DZIP3: variants seen among roughly 807,000 people sequenced by gnomAD.
DZIP3 encodes E3 ubiquitin-protein ligase DZIP3.
In DZIP3, 118 loss-of-function variants were observed where a neutral mutation model predicts 162.0. The observed-to-expected ratio is 0.73, with a 90% confidence interval of 0.63 to 0.85. The LOEUF (loss-of-function observed/expected upper bound fraction) is 0.85. Ranked by LOEUF, DZIP3 falls within the 40% of genes least tolerant of loss-of-function variation. The pLI, the probability that DZIP3 is intolerant of heterozygous loss-of-function variation, is 0.00. For missense variants in DZIP3, 1,331 were observed against 1,407.0 expected (o/e 0.95, Z 0.86); for synonymous variants, 438 against 458.6 (o/e 0.96, Z 0.57).
intron 12 of DZIP3, 85 bp downstream of exon 12, chr3:108,637,633 C>G: frequency 9.8e-7 from 1 of 1,019,454 alleles, no homozygotes; most frequent in Admixed American, 2.5e-5. Flanking sequence ...GTTTCTGTCA[C>G]CTAATAGAGC....
chr3:108,605,590 A>T (rs1016812072), intron 2 of DZIP3, 152 bp downstream of exon 2: 3 of 713,812 alleles, frequency 4.2e-6, no homozygotes, highest in African/African-American at 1.8e-5. Flanking sequence ...GGAGTGGGCA[A>T]CTTAGATCCT....
intron 1 of DZIP3, among the ~76,000 whole-genome samples, chr3:108,601,826 C>T (rs560039979): frequency 2.0e-5 from 3 of 152,264 alleles, no homozygotes; most frequent in African/African-American, 7.2e-5. Context: ...AAAAAAGTAT[C>T]CAAGAACTGA....
At chr3:108,653,149 A>C (rs1942938811) in intron 18 of DZIP3, among the ~76,000 whole-genome samples, 1 of 151,930 alleles carries the variant, frequency 6.6e-6, no homozygotes, top group Non-Finnish European at 1.5e-5. Flanking sequence ...AATGGTCTAC[A>C]CAAGCAATTG....
chr3:108,625,807 C>T (rs773012565), intron 6 of DZIP3, 38 bp from the exon 7 acceptor site: 4 of 1,500,468 alleles, frequency 2.7e-6, no homozygotes, highest in Non-Finnish European at 2.7e-6. Context: ...AAAAAAATGA[C>T]TTTTACAGTA....
At chr3:108,686,999 T>C (rs2107429104) in intron 28 of DZIP3, among the ~76,000 whole-genome samples, 1 of 152,278 alleles carries the variant, frequency 6.6e-6, no homozygotes, top group African/African-American at 2.4e-5. Context: ...AGGGTCCTTA[T>C]AGTTTCTTTG....
At chr3:108,617,710 A>T (rs533716999) in intron 5 of DZIP3, among the ~76,000 whole-genome samples, 1 of 152,248 alleles carries the variant, frequency 6.6e-6, no homozygotes, top group African/African-American at 2.4e-5. Flanking sequence ...TCAGAAGGAG[A>T]TTCTAGTTGG....
chr3:108,688,153 T>TA (rs1944560742), intron 29 of DZIP3, 57 bp downstream of exon 29: 1 of 1,590,768 alleles, frequency 6.3e-7, no homozygotes, highest in Non-Finnish European at 8.6e-7. Context: ...CTCTAGTAGT[T>TA]AACTGTTTTA....
intron 4 of DZIP3, among the ~76,000 whole-genome samples, chr3:108,615,758 T>C (rs1173431959): frequency 6.6e-6 from 1 of 152,214 alleles, no homozygotes; most frequent in African/African-American, 2.4e-5. Context: ...AAGCATGCAT[T>C]AGCTCAGTTG....
At chr3:108,626,191 T>C (rs756102575) in intron 7 of DZIP3, among the ~76,000 whole-genome samples, 1 of 152,226 alleles carries the variant, frequency 6.6e-6, no homozygotes, top group African/African-American at 2.4e-5. Context: ...GCATTAACAT[T>C]AGGAGCATAG....
intron 26 of DZIP3, among the ~76,000 whole-genome samples, chr3:108,678,915 A>G (rs1218956698): frequency 6.6e-6 from 1 of 151,032 alleles, no homozygotes; most frequent in African/African-American, 2.4e-5. Context: ...CTATAGCTAA[A>G]AGAATTATGG....
intron 18 of DZIP3, among the ~76,000 whole-genome samples, chr3:108,653,893 TC>T (rs1942986049): frequency 6.6e-6 from 1 of 152,100 alleles, no homozygotes; most frequent in African/African-American, 2.4e-5. Flanking sequence ...GTGTCATAAT[TC>T]TTGAAAACAG....
chr3:108,675,962 A>G (rs1039756899), intron 25 of DZIP3, 89 bp downstream of exon 25: 15 of 1,143,520 alleles, frequency 1.3e-5, no homozygotes, highest in Non-Finnish European at 1.9e-5. Context: ...AATTTAAGGA[A>G]GAACATATTT....
chr3:108,663,260 A>C lies in DZIP3; in HGVS notation c.2423+1003A>C, dbSNP rs560217915. On this transcript the variant is annotated intron_variant, in intron 21 of 32. Coordinates refer to ENST00000361582, the MANE Select transcript of DZIP3 (RefSeq NM_014648.4). ...AAACGAAGCTGGCTGCAATCACTTA[A>C]GAAACTTTACTTTAGGCCGGATGCG... 4.6e-5 allele frequency among the ~76,000 whole-genome samples: 7 copies of C among 152,218 alleles called. No homozygotes were observed. The East Asian group carries it at 1.4e-3, about 29-fold the overall frequency.
intron 5 of DZIP3, among the ~76,000 whole-genome samples, chr3:108,624,059 A>G (rs1941485552): frequency 6.6e-6 from 1 of 152,082 alleles, no homozygotes; most frequent in South Asian, 2.1e-4. Context: ...TTTCCTTAAT[A>G]TGATGTTCAA....
At chr3:108,642,649 G>A (rs1942453635) in intron 13 of DZIP3, 135 bp downstream of exon 13, 2 of 965,676 alleles carry the variant, frequency 2.1e-6, no homozygotes, top group Non-Finnish European at 2.9e-6. Flanking sequence ...ATACCAGCAA[G>A]CAGCGCTTGG....
chr3:108,682,545 C>T (rs1046690254), intron 26 of DZIP3, among the ~76,000 whole-genome samples: 16 of 150,602 alleles, frequency 1.1e-4, no homozygotes, highest in Non-Finnish European at 2.1e-4. Flanking sequence ...TGATCCCACG[C>T]ATGTGGAATC....
intron 4 of DZIP3, among the ~76,000 whole-genome samples, chr3:108,611,616 C>G (rs946397976): frequency 6.6e-6 from 1 of 152,098 alleles, no homozygotes; most frequent in East Asian, 1.9e-4. Flanking sequence ...TGCTAATAAC[C>G]TGTAACATGC....
Position 108,694,030 on chromosome 3 carries a change from G to A in DZIP3, c.*677G>A, listed in dbSNP as rs1269009780. 1 of 152,120 alleles carries A rather than the reference G, an allele frequency of 6.6e-6. No individual in the cohort carries two copies. The highest frequency in any genetic ancestry group is 1.5e-5 in the Non-Finnish European group (1 of 68,016). The allele number at this position is 152,120 out of a possible 1,614,324, so 9.4% of individuals were successfully genotyped here. A position where few individuals can be genotyped will look rare whatever the true frequency, so the allele number is the denominator to read the frequency against. On this transcript the variant is annotated 3_prime_UTR_variant, in exon 33 of 33. Transcript: ENST00000361582. ...GGTTTCAGAATTAAAAGAATTCAGA[G>A]TTACCTTGTGAGATAAATGTTCTTT...
At chr3:108,651,476 T>C (rs1942863323) in intron 18 of DZIP3, among the ~76,000 whole-genome samples, 3 of 151,676 alleles carry the variant, frequency 2.0e-5, no homozygotes, top group Admixed American at 6.6e-5. Context: ...CATTGTAGTC[T>C]AGACCAAACC....
Sources: gnomAD v4.1 joint callset for allele counts (sites outside exome capture counted in the v4.1 genomes callset) on GRCh38, gnomAD v4.1.1 for gene constraint, MANE v1.5 for transcripts, NCBI Gene and HGNC (gene_info 2026-07-23, HGNC 2026-07-21) for gene names.